POLR3B: variants seen among roughly 807,000 people sequenced by gnomAD.
POLR3B encodes the protein RNA polymerase III subunit B, also known as DNA-directed RNA polymerase III subunit RPC2.
POLR3B carries 96 observed loss-of-function variants against 147.4 expected under a neutral mutation model. The ratio of observed to expected loss-of-function variants is 0.65; its 90% confidence interval spans 0.55 to 0.77. POLR3B has a LOEUF of 0.77. POLR3B is among the 30% of genes least tolerant of loss of function. The probability of loss-of-function intolerance (pLI) is 0.00; values close to 1 mark genes in which losing one functional copy is unlikely to be tolerated. For missense variants in POLR3B, 1,036 were observed against 1,413.5 expected (o/e 0.73, Z 4.28); for synonymous variants, 461 against 485.9 (o/e 0.95, Z 0.67).
At chr12:106,437,571 G>C in intron 17 of POLR3B, 110 bp from the exon 18 acceptor site, 1 of 707,232 alleles carries the variant, frequency 1.4e-6, no homozygotes, top group Non-Finnish European at 2.6e-6. Flanking sequence ...ATATTCTCTG[G>C]GAGAGAAAGG....
intron 9 of POLR3B, among the ~76,000 whole-genome samples, chr12:106,384,373 C>T (rs1018610995): frequency 5.9e-5 from 9 of 152,206 alleles, no homozygotes; most frequent in African/African-American, 2.2e-4. Flanking sequence ...AGTTGATCCT[C>T]AGTATTTGCA....
intron 5 of POLR3B, 101 bp from the exon 6 acceptor site, chr12:106,369,482 C>T (rs2036575373): frequency 1.0e-6 from 1 of 970,276 alleles, no homozygotes; most frequent in Admixed American, 1.7e-5. Flanking sequence ...GATTAAAGTT[C>T]AATGTGGACC....
At position 106,400,311 on chromosome 12, in the gene POLR3B, T is replaced by C. The variant is rs572247573; in HGVS notation, c.847-5546T>C. On this transcript the variant is annotated intron_variant, in intron 10 of 27. Transcript: ENST00000228347. ...ATCCTAAATATATATGCACCCAATA[T>C]AGGAGCACCCAGATTCATAAAGCAA... Among the ~76,000 whole-genome samples the C allele has an allele frequency of 6.7e-3, 1,021 of 152,194 alleles. 10 individuals are homozygous for C. Among genetic ancestry groups the C allele is most frequent in the African/African-American group, 0.023 (955 of 41,514 alleles).
chr12:106,496,420 A>G, intron 24 of POLR3B: 2 of 610,032 alleles, frequency 3.3e-6, no homozygotes, highest in Non-Finnish European at 5.8e-6. Flanking sequence ...GCAAAAGAGA[A>G]TCCCTTGTCT....
intron 8 of POLR3B, among the ~76,000 whole-genome samples, chr12:106,379,826 G>T (rs2036734768): frequency 6.6e-6 from 1 of 152,160 alleles, no homozygotes; most frequent in Admixed American, 6.5e-5. Context: ...CAAAGTCAAA[G>T]AAAAATTTAT....
chr12:106,443,666 C>T (rs1445437209), intron 18 of POLR3B, among the ~76,000 whole-genome samples: 6 of 146,000 alleles, frequency 4.1e-5, no homozygotes, highest in South Asian at 2.2e-4. Flanking sequence ...TATAGGTGCC[C>T]GCCACCATGC....
rs1555213087 is a variant in POLR3B at position 106,426,222 on chromosome 12, T to TGTGTG, written c.1102-975_1102-974insGTGTG. Among the ~76,000 whole-genome samples the TGTGTG allele has an allele frequency of 5.1e-3, 668 of 131,218 alleles. 8 individuals carry two copies. Among genetic ancestry groups the TGTGTG allele is most frequent in the East Asian group, 0.04 (177 of 4,372 alleles). The allele number at this position is 131,218 out of a possible 152,430, so 86.1% of individuals were successfully genotyped here. A position where few individuals can be genotyped will look rare whatever the true frequency, so the allele number is the denominator to read the frequency against. ...AAATTGTAAGGGCAGGGCCTGCAATTTGTGTGTGTGTGTGTGTGTGTGTGT... is the reference window on the plus strand; with the variant it reads ...AAATTGTAAGGGCAGGGCCTGCAATTGTGTGTGTGTGTGTGTGTGTGTGTGTGTGT... On this transcript the variant is annotated intron_variant, in intron 12 of 27. Coordinates refer to ENST00000228347, the MANE Select transcript of POLR3B (RefSeq NM_018082.6).
intron 19 of POLR3B, among the ~76,000 whole-genome samples, chr12:106,445,183 A>T (rs972361380): frequency 6.6e-6 from 1 of 152,162 alleles, no homozygotes; most frequent in Non-Finnish European, 1.5e-5. Flanking sequence ...TTTATTGAGC[A>T]TAACTGTAGA....
At chr12:106,401,144 C>T (rs1411164872) in intron 10 of POLR3B, among the ~76,000 whole-genome samples, 1 of 152,168 alleles carries the variant, frequency 6.6e-6, no homozygotes, top group Admixed American at 6.5e-5. Context: ...AAGGGGATAT[C>T]ACCAGCGATC....
chr12:106,382,912 G>T (rs2036783886), intron 9 of POLR3B, among the ~76,000 whole-genome samples: 2 of 152,182 alleles, frequency 1.3e-5, no homozygotes, highest in South Asian at 4.1e-4. Flanking sequence ...GTCCTAGATG[G>T]CATGTTCTTT....
chr12:106,454,600 A>G lies in POLR3B; in HGVS notation c.2182A>G (p.Ile728Val). 1.2e-6 allele frequency: 2 copies of G among 1,609,206 alleles called. No homozygotes were observed. The highest frequency in any genetic ancestry group is 2.2e-5 in the South Asian group (2 of 91,006). The part of the protein sequence containing the change: ...PMVKTKTIEL[I>V]EFEKLPAGQN... Reference sequence around the variant, plus strand: ...GGTTAAGACAAAAACCATTGAATTGATAGAATTTGAGAAACTGCCAGCTGG... The same window carrying G: ...GGTTAAGACAAAAACCATTGAATTGGTAGAATTTGAGAAACTGCCAGCTGG... Residue 728 changes from isoleucine to valine, a missense_variant, in exon 20 of 28, where the codon ATA (isoleucine) becomes GTA (valine). Physicochemically the swap from Ile to Val is conservative, Grantham distance 29. This residue lies in a region of POLR3B where 202 missense variants were observed against 272.8 expected (regional missense o/e 0.74). Coordinates refer to ENST00000228347, the MANE Select transcript of POLR3B (RefSeq NM_018082.6).
intron 26 of POLR3B, among the ~76,000 whole-genome samples, chr12:106,503,631 C>T (rs2038637531): frequency 6.6e-6 from 1 of 152,176 alleles, no homozygotes; most frequent in Non-Finnish European, 1.5e-5. Flanking sequence ...CTGGAGGATC[C>T]AGGTTTCCCC....
chr12:106,425,018 T>C (rs1157997905), intron 12 of POLR3B, among the ~76,000 whole-genome samples: 4 of 152,220 alleles, frequency 2.6e-5, no homozygotes, highest in Non-Finnish European at 5.9e-5. Context: ...CTTAGATTCT[T>C]TTGGATTTTC....
intron 18 of POLR3B, among the ~76,000 whole-genome samples, chr12:106,440,653 CCTT>C (rs1345319947): frequency 6.6e-6 from 1 of 152,184 alleles, no homozygotes; most frequent in African/African-American, 2.4e-5. Flanking sequence ...TTAGGTGTCA[CCTT>C]CTCGTGAGAT....
At chr12:106,476,631 T>C (rs1352443645) in intron 23 of POLR3B, among the ~76,000 whole-genome samples, 1 of 144,892 alleles carries the variant, frequency 6.9e-6, no homozygotes, top group Non-Finnish European at 1.5e-5. Flanking sequence ...CTTCCATTGC[T>C]GATACCCTTT....
intron 15 of POLR3B, among the ~76,000 whole-genome samples, chr12:106,433,320 A>C (rs2037534008): frequency 6.6e-6 from 1 of 152,214 alleles, no homozygotes; most frequent in Admixed American, 6.5e-5. Context: ...TTACAACAAG[A>C]AGCAGTTTAA....
At chr12:106,506,027 C>G (rs78353186) in intron 27 of POLR3B, among the ~76,000 whole-genome samples, 3,638 of 152,198 alleles carry the variant, frequency 0.024, 103 homozygotes, top group African/African-American at 0.065. Context: ...GAAGAGGTGG[C>G]CATTTGCGGT....
intron 12 of POLR3B, among the ~76,000 whole-genome samples, chr12:106,426,994 C>G (rs2037448196): frequency 6.6e-6 from 1 of 152,032 alleles, no homozygotes; most frequent in Admixed American, 6.6e-5. Context: ...CATCTTTGCT[C>G]TCGTTTAAAT....
At chr12:106,403,928 T>TGC (rs1179946663) in intron 10 of POLR3B, among the ~76,000 whole-genome samples, 3 of 151,720 alleles carry the variant, frequency 2.0e-5, no homozygotes, top group Non-Finnish European at 2.9e-5. Flanking sequence ...AACCTGCACA[T>TGC]TGTGCACATG....
Sources: gnomAD v4.1 joint callset for allele counts (sites outside exome capture counted in the v4.1 genomes callset) on GRCh38, gnomAD v4.1.1 for gene constraint, gnomAD v4.1.1 regional missense constraint, MANE v1.5 for transcripts, NCBI Gene and HGNC (gene_info 2026-07-23, HGNC 2026-07-21) for gene names.